SGK3: variants seen among roughly 807,000 people sequenced by gnomAD.
The protein encoded by SGK3 is serine/threonine-protein kinase Sgk3.
Under a neutral mutation model 68.5 loss-of-function variants are expected in SGK3, and 47 were observed. The observed-to-expected ratio is 0.69, with a 90% CI of 0.54 to 0.87. The LOEUF is 0.87. Among genes scored for constraint, SGK3 ranks in the 40% least tolerant of loss-of-function variants. SGK3 has a pLI of 0.00. For missense variants in SGK3, 479 were observed against 575.5 expected, an observed-to-expected ratio of 0.83 and a Z score of 1.72; for synonymous variants, 181 against 189.1, an observed-to-expected ratio of 0.96 and a Z score of 0.35.
At chr8:66,734,808 G>A (rs1396061028) in intron 1 of SGK3, among the ~76,000 whole-genome samples, 3 of 151,896 alleles carry the variant, frequency 2.0e-5, no homozygotes, top group East Asian at 1.9e-4. Flanking sequence ...TTAGCTGGGC[G>A]TGGTGGCGCA....
At chr8:66,843,316 C>T in intron 13 of SGK3, 136 bp from the exon 14 acceptor site, 1 of 730,974 alleles carries the variant, frequency 1.4e-6, no homozygotes, top group Middle Eastern at 3.9e-4. Flanking sequence ...ATGAGAATAT[C>T]CAACCCACTG....
intron 1 of SGK3, among the ~76,000 whole-genome samples, chr8:66,768,458 T>G (rs1468293213): frequency 6.6e-6 from 1 of 152,148 alleles, no homozygotes; most frequent in Non-Finnish European, 1.5e-5. Flanking sequence ...TTATATAGCT[T>G]TACATATCTT....
At chr8:66,784,028 G>A (rs1285245024) in intron 1 of SGK3, among the ~76,000 whole-genome samples, 1 of 152,096 alleles carries the variant, frequency 6.6e-6, no homozygotes, top group Non-Finnish European at 1.5e-5. Context: ...CTCTCAAGTA[G>A]CCAGGACTAC....
chr8:66,724,246 C>T (rs567133091), intron 1 of SGK3, among the ~76,000 whole-genome samples: 2 of 152,328 alleles, frequency 1.3e-5, no homozygotes, highest in East Asian at 3.9e-4. Context: ...TCCCAAAACA[C>T]TGGGATTACA....
At chr8:66,773,927 G>C (rs1361809608) in intron 1 of SGK3, among the ~76,000 whole-genome samples, 1 of 152,212 alleles carries the variant, frequency 6.6e-6, no homozygotes, top group Non-Finnish European at 1.5e-5. Context: ...GTCGGGGACT[G>C]GTGTACTATT....
intron 6 of SGK3, among the ~76,000 whole-genome samples, chr8:66,825,018 T>C (rs968864555): frequency 6.6e-6 from 1 of 152,216 alleles, no homozygotes; most frequent in African/African-American, 2.4e-5. Flanking sequence ...AAAATCTATG[T>C]AACCATGATT....
intron 1 of SGK3, among the ~76,000 whole-genome samples, chr8:66,716,884 G>A (rs1249800949): frequency 6.6e-6 from 1 of 152,108 alleles, no homozygotes; most frequent in East Asian, 1.9e-4. Flanking sequence ...GCCACTAAGC[G>A]AGCTTGTTGG....
At chr8:66,843,894 G>A (rs752204280) in intron 14 of SGK3, among the ~76,000 whole-genome samples, 1 of 151,084 alleles carries the variant, frequency 6.6e-6, no homozygotes, top group African/African-American at 2.4e-5. Flanking sequence ...CTTAGGAGGC[G>A]GAGGCCCAAG....
At chr8:66,854,145 CTT>C (rs1388175905) in intron 16 of SGK3, among the ~76,000 whole-genome samples, 2 of 152,184 alleles carry the variant, frequency 1.3e-5, no homozygotes, top group East Asian at 3.8e-4. Context: ...TTTGGCATCT[CTT>C]AGAATACAAC....
At chr8:66,800,379 C>CTTTTTTTTTTT (rs35415180) in intron 3 of SGK3, among the ~76,000 whole-genome samples, 61 of 102,118 alleles carry the variant, frequency 6.0e-4, no homozygotes, top group Non-Finnish European at 7.4e-4. Context: ...TTTTTCATTT[C>CTTTTTTTTTTT]TTTTTTTTTT....
At chr8:66,761,788 A>G (rs1806171357) in intron 1 of SGK3, among the ~76,000 whole-genome samples, 1 of 152,130 alleles carries the variant, frequency 6.6e-6, no homozygotes, top group Admixed American at 6.5e-5. Flanking sequence ...TAAATAATAA[A>G]TGTTTTAAAA....
chr8:66,735,797 A>T (rs1027649165), intron 1 of SGK3, among the ~76,000 whole-genome samples: 6 of 152,124 alleles, frequency 3.9e-5, no homozygotes, highest in Non-Finnish European at 8.8e-5. Context: ...AATTACATCC[A>T]AAATATCATT....
At chr8:66,774,463 T>A (rs1369712170) in intron 1 of SGK3, among the ~76,000 whole-genome samples, 1 of 152,128 alleles carries the variant, frequency 6.6e-6, no homozygotes, top group Non-Finnish European at 1.5e-5. Flanking sequence ...ACTCGGTTAT[T>A]GGCTTGATGC....
Position 66,843,510 on chromosome 8 carries a change from G to T in SGK3, c.1037G>T (p.Cys346Phe). Residue 346 changes from cysteine to phenylalanine, a missense_variant, in exon 14 of 17, where the codon TGC becomes TTC. Physicochemically the swap from Cys to Phe is radical, Grantham distance 205. Around this residue, in one of 3 missense-constraint regions of SGK3, gnomAD observed 173 missense variants for 214.3 expected, o/e 0.81. Transcript: ENST00000521198. ...QPYDNTVDWW[C>F]LGAVLYEMLY... The stretch of plus-strand genomic sequence containing the variant: ...TATGACAATACTGTAGATTGGTGGT[G>T]CCTTGGGGCTGTTCTGTATGAAATG... The T allele has an allele frequency of 6.2e-7, 1 of 1,613,934 alleles. No individual in the cohort carries two copies.
At chr8:66,813,441 C>A (rs1320571810) in intron 4 of SGK3, among the ~76,000 whole-genome samples, 1 of 151,712 alleles carries the variant, frequency 6.6e-6, no homozygotes, top group African/African-American at 2.4e-5. Flanking sequence ...TCCAGAAATC[C>A]TTATTTTTTT....
At chr8:66,839,976 C>G in intron 10 of SGK3, 27 bp from the exon 11 acceptor site, 2 of 1,593,572 alleles carry the variant, frequency 1.3e-6, no homozygotes. Context: ...ATTCTCTCTC[C>G]CCCCACCCCC....
chr8:66,823,092 TA>T (rs1160065027), intron 6 of SGK3, among the ~76,000 whole-genome samples: 15 of 152,252 alleles, frequency 9.9e-5, no homozygotes, highest in Admixed American at 9.8e-4. Flanking sequence ...CAATCTTCTC[TA>T]ATGTATAGGG....
chr8:66,714,035 A>G (rs997722091), intron 1 of SGK3, among the ~76,000 whole-genome samples: 2 of 152,224 alleles, frequency 1.3e-5, no homozygotes, highest in Admixed American at 6.5e-5. Context: ...CGTTGTGCCC[A>G]TCGGCTAACT....
At chr8:66,829,055 A>G (rs950464548) in intron 7 of SGK3, among the ~76,000 whole-genome samples, 4 of 151,806 alleles carry the variant, frequency 2.6e-5, no homozygotes, top group African/African-American at 4.8e-5. Context: ...AGGTCCTCTG[A>G]AAAAAAGCAC....
Sources: gnomAD v4.1 joint callset for allele counts (sites outside exome capture counted in the v4.1 genomes callset) on GRCh38, gnomAD v4.1.1 for gene constraint, gnomAD v4.1.1 regional missense constraint, MANE v1.5 for transcripts, NCBI Gene and HGNC (gene_info 2026-07-23, HGNC 2026-07-21) for gene names.